The following NKAIN4 variants were observed in gnomAD, a reference collection of about 807,000 sequenced individuals.
NKAIN4 encodes the protein sodium/potassium transporting ATPase interacting 4, also known as sodium/potassium-transporting ATPase subunit beta-1-interacting protein 4.
NKAIN4 carries 28 observed loss-of-function variants against 28.8 expected under a neutral mutation model. The ratio of observed to expected loss-of-function variants is 0.97; its 90% CI spans 0.72 to 1.33. The LOEUF is 1.33. Among genes scored for constraint, NKAIN4 ranks in the 40% most tolerant of loss-of-function variants. The probability of loss-of-function intolerance (pLI) is 0.00; values close to 1 mark genes in which losing one functional copy is unlikely to be tolerated. For missense variants in NKAIN4, 289 were observed against 277.2 expected (o/e 1.04, Z -0.30); for synonymous variants, 122 against 115.6 (o/e 1.06, Z -0.36).
At chr20:63,248,625 G>A (rs2066901910) in intron 3 of NKAIN4, 190 bp downstream of exon 3, 3 of 560,974 alleles carry the variant, frequency 5.3e-6, no homozygotes, top group Non-Finnish European at 9.7e-6. Context: ...TCAAATCACT[G>A]GTCTTTCCCC....
rs1478892167 is a variant in NKAIN4 at position 63,241,643 on chromosome 20, G to A, written c.618-137C>T. The A allele has an allele frequency of 6.5e-6, 5 of 773,892 alleles. No homozygotes were observed. In the African/African-American group the frequency reaches 8.6e-5, roughly 13 times the overall value. 47.9% of individuals were successfully genotyped at this position (773,892 alleles called of 1,614,324 possible). On this transcript the variant is annotated intron_variant, in intron 6 of 6. Coordinates refer to ENST00000370316, the MANE Select transcript of NKAIN4 (RefSeq NM_152864.4). The stretch of plus-strand genomic sequence containing the variant: ...ACGGCTTCAGGCCTTTGGCAGAAAG[G>A]AGATGGGTGGGACTGAGGCTCTGGA...
At chr20:63,244,768 A>AG (rs374292427) in intron 4 of NKAIN4, among the ~76,000 whole-genome samples, 6 of 152,132 alleles carry the variant, frequency 3.9e-5, no homozygotes, top group Admixed American at 6.5e-5. Context: ...GCTCTGGCAA[A>AG]GGGGGGGCAG....
chr20:63,243,620 A>G (rs1249397300), intron 5 of NKAIN4, among the ~76,000 whole-genome samples: 1 of 152,054 alleles, frequency 6.6e-6, no homozygotes, highest in Non-Finnish European at 1.5e-5. Context: ...CCCTGCCCAG[A>G]TGGGTCCAGG....
At chr20:63,247,508 G>A (rs916092789) in intron 4 of NKAIN4, 70 bp downstream of exon 4, 2 of 1,548,370 alleles carry the variant, frequency 1.3e-6, no homozygotes, top group African/African-American at 2.7e-5. Flanking sequence ...TCAGGGAGAT[G>A]AGCCCCCAGC....
At position 63,247,523 on chromosome 20, in the gene NKAIN4, T is replaced by C. The variant is rs1601287022; in HGVS notation, c.471+55A>G. The stretch of plus-strand genomic sequence containing the variant: ...TCAGGGAGATGAGCCCCCAGCTCCA[T>C]GTCCCCTCCCCCATCAACCCATCCC... On this transcript the variant is annotated intron_variant, in intron 4 of 6. Coordinates refer to ENST00000370316, the MANE Select transcript of NKAIN4 (RefSeq NM_152864.4). The C allele has an allele frequency of 2.6e-6, 4 of 1,547,966 alleles. No individual in the cohort carries two copies. The South Asian group carries it at 3.6e-5, about 14-fold the overall frequency.
At chr20:63,247,815 G>A in intron 3 of NKAIN4, 40 bp from the exon 4 acceptor site, 1 of 1,421,410 alleles carries the variant, frequency 7.0e-7, no homozygotes, top group Non-Finnish European at 9.2e-7. Flanking sequence ...TTAGCACCAG[G>A]AGGTGGGCGG....
Position 63,252,749 on chromosome 20 carries a change from T to C in NKAIN4, c.54+1648A>G, listed in dbSNP as rs1332994810. On this transcript the variant is annotated intron_variant, in intron 1 of 6. Transcript: ENST00000370316. The surrounding 1 kb of genome is among the most constrained non-coding windows in gnomAD (Gnocchi z 4.6). Reference sequence around the variant, plus strand: ...CGGCCCTCAAGCCAGGATGACTCTTTCCCTCTTGGCTGCAACCAAATTTCC... The same window carrying C: ...CGGCCCTCAAGCCAGGATGACTCTTCCCCTCTTGGCTGCAACCAAATTTCC... Among the ~76,000 whole-genome samples the C allele has an allele frequency of 6.6e-6, 1 of 152,066 alleles. No individual in the cohort carries two copies. Among genetic ancestry groups the C allele is most frequent in the Non-Finnish European group, 1.5e-5 (1 of 68,000 alleles).
In NKAIN4 at chr20:63,250,069, C is replaced by T. The variant is rs370501778; in HGVS notation, c.58G>A (p.Ala20Thr). Reference protein sequence around the residue: ...LVVLCAFQLVAALERQVFDFL... With the variant: ...LVVLCAFQLVTALERQVFDFL... ...TCAAACACCTGCCTCTCCAGGGCGG[C>T]GACCTAGGAGCAGGGCGGGCGCCAT... is the stretch of plus-strand genomic sequence containing the variant. The change falls in exon 2 of 7, where the codon GCC becomes ACC. Residue 20 changes from alanine to threonine, a missense_variant. Physicochemically the swap from Ala to Thr is moderately conservative, Grantham distance 58. Transcript: ENST00000370316. 13 of 1,570,920 alleles carry T rather than the reference C, an allele frequency of 8.3e-6. No homozygotes were observed. The highest frequency in any genetic ancestry group is 5.6e-5 in the Admixed American group (3 of 53,168).
At chr20:63,247,195 G>A (rs1048642659) in intron 4 of NKAIN4, 21 of 1,150,018 alleles carry the variant, frequency 1.8e-5, no homozygotes, top group Non-Finnish European at 2.3e-5. Context: ...GGGCAGCCGA[G>A]GGAACAGGCG....
At chr20:63,249,196 G>A in intron 2 of NKAIN4, 1 of 413,856 alleles carries the variant, frequency 2.4e-6, no homozygotes, top group Non-Finnish European at 4.6e-6. Context: ...GCCGTGACCT[G>A]TCCTCGCCTC....
At chr20:63,247,913 C>T in intron 3 of NKAIN4, 138 bp from the exon 4 acceptor site, 1 of 1,239,770 alleles carries the variant, frequency 8.1e-7, no homozygotes, top group South Asian at 2.6e-5. Context: ...CCCACTGCAC[C>T]CCGCCCCCAG....
intron 1 of NKAIN4, among the ~76,000 whole-genome samples, chr20:63,253,813 G>T (rs369233937): frequency 1.3e-5 from 2 of 150,432 alleles, no homozygotes; most frequent in Non-Finnish European, 3.0e-5. Context: ...TCGCCTCCGC[G>T]TAGCTCCACG....
intron 4 of NKAIN4, 99 bp from the exon 5 acceptor site, chr20:63,244,183 C>A: frequency 9.7e-7 from 1 of 1,030,652 alleles, no homozygotes; most frequent in South Asian, 1.4e-5. Flanking sequence ...CCCCTGACCA[C>A]CAAGGCCCTG....
chr20:63,241,524 G>T lies in NKAIN4; in HGVS notation c.618-18C>A. ...ACGCAGGCCTGTGGGGACAAGGTCA[G>T]AGAGCACCTGGGGGAACAGGGCTGG... On this transcript the variant is annotated intron_variant, in intron 6 of 6. Transcript: ENST00000370316. 1 of 1,549,836 alleles carries T rather than the reference G, an allele frequency of 6.5e-7. No individual in the cohort carries two copies. The highest frequency in any genetic ancestry group is 8.7e-7 in the Non-Finnish European group (1 of 1,146,488).
In NKAIN4 at chr20:63,241,254, G is replaced by GTTTTC. The variant is rs762542876; in HGVS notation, c.*238_*242dup. 7.4e-6 allele frequency: 4 copies of GTTTTC among 538,406 alleles called. No homozygotes were observed. The Admixed American group carries it at 1.4e-4, about 19-fold the overall frequency. 33.4% of individuals were successfully genotyped at this position (538,406 alleles called of 1,614,324 possible). A position where few individuals can be genotyped will look rare whatever the true frequency, so the allele number is the denominator to read the frequency against. ...TGGGGTTTTGCCTTTTCTTTTGTAT[G>GTTTTC]TTTTCTTTTCTTTTTTTTTTTTAAG... On this transcript the variant is annotated 3_prime_UTR_variant, in exon 7 of 7. Coordinates refer to ENST00000370316, the MANE Select transcript of NKAIN4 (RefSeq NM_152864.4).
intron 6 of NKAIN4, chr20:63,241,766 G>C (rs2066756053): frequency 1.5e-6 from 1 of 662,490 alleles, no homozygotes; most frequent in African/African-American, 1.8e-5. Context: ...GGAGTGGAGA[G>C]GGGGCTCACC....
intron 3 of NKAIN4, 162 bp downstream of exon 3, chr20:63,248,653 C>A (rs2066902317): frequency 3.3e-6 from 2 of 602,444 alleles, no homozygotes; most frequent in Non-Finnish European, 6.0e-6. Flanking sequence ...TACTGAGTTA[C>A]CAACTACAGA....
Position 63,249,963 on chromosome 20 carries a change from A to T in NKAIN4, c.164T>A (p.Ile55Asn). The change falls in exon 2 of 7, where the codon ATC becomes AAC. Residue 55 changes from isoleucine to asparagine, a missense_variant. By Grantham distance (149) the Ile-to-Asn change is moderately radical (BLOSUM62 -3). Coordinates refer to ENST00000370316, the MANE Select transcript of NKAIN4 (RefSeq NM_152864.4). Reference sequence around the variant, plus strand: ...CATGACATAGCGCAGCCGGTACTGGATGGTGCCGAAGAGTCCCAGGATGAC... The same window carrying T: ...CATGACATAGCGCAGCCGGTACTGGTTGGTGCCGAAGAGTCCCAGGATGAC... ...IIVILGLFGT[I>N]QYRLRYVMVY... is the part of the protein sequence containing the mutation. 1 of 1,613,510 alleles carries T rather than the reference A, an allele frequency of 6.2e-7. No individual in the cohort carries two copies. The highest frequency in any genetic ancestry group is 8.5e-7 in the Non-Finnish European group (1 of 1,179,928).
chr20:63,242,626 G>C lies in NKAIN4; in HGVS notation c.533-3C>G. On this transcript the variant is annotated splice_region_variant and splice_polypyrimidine_tract_variant and intron_variant, in intron 5 of 6. Transcript: ENST00000370316. Reference sequence around the variant, plus strand: ...ATCAAATCCACCAATGAAATCAACTGAAAGAAATCAAGACCCAAATAAAAC... The same window carrying C: ...ATCAAATCCACCAATGAAATCAACTCAAAGAAATCAAGACCCAAATAAAAC... 1 of 1,609,092 alleles carries C rather than the reference G, an allele frequency of 6.2e-7. No individual in the cohort carries two copies. The highest frequency in any genetic ancestry group is 8.5e-7 in the Non-Finnish European group (1 of 1,175,826).
Sources: allele counts gnomAD v4.1 joint callset (sites outside exome capture counted in the v4.1 genomes callset), GRCh38; gene constraint gnomAD v4.1.1; non-coding constraint Gnocchi (gnomAD v3.1); transcripts MANE v1.5; gene names NCBI Gene and HGNC (gene_info 2026-07-23, HGNC 2026-07-21).